The following CYP2J2 variants were observed in gnomAD, a reference collection of about 807,000 sequenced individuals.
CYP2J2 encodes cytochrome P450 family 2 subfamily J member 2.
CYP2J2 carries 41 observed loss-of-function variants against 48.8 expected under a neutral mutation model. The ratio of observed to expected loss-of-function variants is 0.84; its 90% CI spans 0.66 to 1.09. The LOEUF (loss-of-function observed/expected upper bound fraction) is 1.09, where lower values mean the gene tolerates loss of function less well. Among genes scored for constraint, CYP2J2 ranks in the 50% least tolerant of loss-of-function variants. The pLI, the probability that CYP2J2 is intolerant of heterozygous loss-of-function variation, is 0.00. For missense variants in CYP2J2, 644 were observed against 617.3 expected (o/e 1.04, Z -0.46); for synonymous variants, 221 against 227.1 (o/e 0.97, Z 0.24).
intron 8 of CYP2J2, among the ~76,000 whole-genome samples, chr1:59,897,219 T>C (rs1574244576): frequency 6.6e-6 from 1 of 152,342 alleles, no homozygotes; most frequent in East Asian, 1.9e-4. Context: ...CCAAGTCAGT[T>C]TATTGTAAAT....
chr1:59,897,420 G>A (rs915448989), intron 8 of CYP2J2, among the ~76,000 whole-genome samples: 1 of 152,150 alleles, frequency 6.6e-6, no homozygotes, highest in Admixed American at 6.5e-5. Flanking sequence ...CATGTTACAC[G>A]GCTAGGCAAG....
At chr1:59,951,923 C>T in the CYP2J2 span, among the ~76,000 whole-genome samples, 1 of 152,200 alleles carries the variant, frequency 6.6e-6, no homozygotes, top group African/African-American at 2.4e-5. Flanking sequence ...TCCTACCCCA[C>T]TTCCCATCTC....
chr1:59,964,671 C>A, the CYP2J2 span, among the ~76,000 whole-genome samples: 4 of 152,174 alleles, frequency 2.6e-5, no homozygotes, highest in Admixed American at 6.5e-5. Flanking sequence ...AAGGTAAATT[C>A]CATATGATAA....
chr1:59,893,944 C>A, intron 8 of CYP2J2, 115 bp from the exon 9 acceptor site: 2 of 983,090 alleles, frequency 2.0e-6, no homozygotes, highest in Non-Finnish European at 1.5e-6. Flanking sequence ...GGCCTGTAGG[C>A]CCCAGGGTGT....
At chr1:59,903,054 T>G (rs1644334537) in intron 7 of CYP2J2, among the ~76,000 whole-genome samples, 1 of 152,160 alleles carries the variant, frequency 6.6e-6, no homozygotes, top group Non-Finnish European at 1.5e-5. Context: ...TTAAATAAAT[T>G]GCTAGAAAAA....
At chr1:59,964,181 G>A in the CYP2J2 span, among the ~76,000 whole-genome samples, 2 of 152,036 alleles carry the variant, frequency 1.3e-5, no homozygotes, top group Non-Finnish European at 2.9e-5. Context: ...AGAAGATATT[G>A]GGTAGGTCAA....
intron 2 of CYP2J2, among the ~76,000 whole-genome samples, chr1:59,913,453 A>G (rs1249364837): frequency 2.0e-5 from 3 of 152,180 alleles, no homozygotes; most frequent in Admixed American, 2.0e-4. Context: ...TGAATTCGGC[A>G]TATCCATGAT....
At chr1:59,900,631 G>A (rs11572308) in intron 8 of CYP2J2, among the ~76,000 whole-genome samples, 11,645 of 152,078 alleles carry the variant, frequency 0.077, 467 homozygotes, top group African/African-American at 0.11. Context: ...GTGAAACTTC[G>A]TATCAAAAAA....
At chr1:59,913,545 T>C (rs1389917698) in intron 2 of CYP2J2, among the ~76,000 whole-genome samples, 1 of 152,182 alleles carries the variant, frequency 6.6e-6, no homozygotes, top group Non-Finnish European at 1.5e-5. Flanking sequence ...GTGTTCCTTC[T>C]TTCCATCATC....
chr1:59,940,781 T>C, the CYP2J2 span, among the ~76,000 whole-genome samples: 1 of 152,202 alleles, frequency 6.6e-6, no homozygotes, highest in Non-Finnish European at 1.5e-5. Context: ...ATGTAGTATA[T>C]ATACACAATG....
At chr1:59,954,615 C>T in the CYP2J2 span, among the ~76,000 whole-genome samples, 2 of 151,542 alleles carry the variant, frequency 1.3e-5, no homozygotes, top group Non-Finnish European at 2.9e-5. Context: ...CAAGCCTAAA[C>T]TCTTATTAGT....
At chr1:59,900,843 G>T in intron 8 of CYP2J2, 122 bp downstream of exon 8, 2 of 1,118,936 alleles carry the variant, frequency 1.8e-6, no homozygotes, top group Non-Finnish European at 2.6e-6. Context: ...GCAAGATGGA[G>T]TGAGTCGCAC....
chr1:59,928,507 C>G (rs1478208811), upstream of CYP2J2, among the ~76,000 whole-genome samples: 1 of 152,164 alleles, frequency 6.6e-6, no homozygotes, highest in Non-Finnish European at 1.5e-5. Flanking sequence ...AACACTTTCC[C>G]TAGCTCTCAA....
At chr1:59,932,859 C>T in the CYP2J2 span, among the ~76,000 whole-genome samples, 1 of 152,030 alleles carries the variant, frequency 6.6e-6, no homozygotes, top group Non-Finnish European at 1.5e-5. Context: ...TGGCATTATG[C>T]TTGGCTAATT....
At chr1:59,920,797 G>A (rs1234042056) in intron 1 of CYP2J2, among the ~76,000 whole-genome samples, 1 of 152,060 alleles carries the variant, frequency 6.6e-6, no homozygotes, top group East Asian at 1.9e-4. Context: ...TTGGGAGAAA[G>A]TTATTTAACT....
intron 1 of CYP2J2, among the ~76,000 whole-genome samples, chr1:59,923,767 T>C (rs749909535): frequency 2.0e-5 from 3 of 152,088 alleles, no homozygotes; most frequent in African/African-American, 7.2e-5. Context: ...ACAGAGAAAC[T>C]ACATTGGAAA....
chr1:59,942,725 G>A, the CYP2J2 span, among the ~76,000 whole-genome samples: 2 of 152,092 alleles, frequency 1.3e-5, no homozygotes, highest in Non-Finnish European at 2.9e-5. Context: ...ATTAGCAGTA[G>A]CAGAGGGAGG....
the CYP2J2 span, among the ~76,000 whole-genome samples, chr1:59,957,210 A>T: frequency 6.6e-6 from 1 of 152,128 alleles, no homozygotes; most frequent in African/African-American, 2.4e-5. Flanking sequence ...GGGAAAGGGG[A>T]TGGAGGTATT....
chr1:59,897,961 C>A (rs116059720), intron 8 of CYP2J2, among the ~76,000 whole-genome samples: 2,529 of 152,202 alleles, frequency 0.017, 82 homozygotes, highest in African/African-American at 0.058. Flanking sequence ...TTTTGTCAAC[C>A]CTTTGGATTC....
Sources: allele counts gnomAD v4.1 joint callset (sites outside exome capture counted in the v4.1 genomes callset), GRCh38; gene constraint gnomAD v4.1.1; transcripts MANE v1.5; gene names NCBI Gene and HGNC (gene_info 2026-07-23, HGNC 2026-07-21).